MGAT4C: variants seen among roughly 807,000 people sequenced by gnomAD.
MGAT4C encodes the protein alpha-1,3-mannosyl-glycoprotein 4-beta-N-acetylglucosaminyltransferase C.
A neutral mutation model predicts 40.1 loss-of-function variants in MGAT4C; 19 were observed. That is an observed-to-expected ratio of 0.47 (90% confidence interval 0.33 to 0.70). MGAT4C has a LOEUF of 0.70. MGAT4C is among the 30% of genes least tolerant of loss of function. The pLI is 0.02. For missense variants in MGAT4C, 491 were observed against 563.2 expected, an observed-to-expected ratio of 0.87 and a Z score of 1.30; for synonymous variants, 181 against 187.1, an observed-to-expected ratio of 0.97 and a Z score of 0.27.
intron 1 of MGAT4C, among the ~76,000 whole-genome samples, chr12:86,134,420 G>A (rs760612939): frequency 2.6e-5 from 4 of 151,948 alleles, no homozygotes; most frequent in Non-Finnish European, 4.4e-5. Flanking sequence ...AGGTTTGTTT[G>A]GAAAAAGAAA....
intron 2 of MGAT4C, among the ~76,000 whole-genome samples, chr12:86,549,907 C>A (rs1041934404): frequency 6.6e-6 from 1 of 152,096 alleles, no homozygotes; most frequent in African/African-American, 2.4e-5. Flanking sequence ...GAAAGAGAAG[C>A]AGACTGATAG....
chr12:86,144,537 T>C (rs1023883310), intron 1 of MGAT4C, among the ~76,000 whole-genome samples: 2 of 152,182 alleles, frequency 1.3e-5, no homozygotes, highest in Non-Finnish European at 2.9e-5. Context: ...GTCATTCTTT[T>C]AATATAGTGC....
intron 1 of MGAT4C, among the ~76,000 whole-genome samples, chr12:86,728,146 G>A (rs977951620): frequency 2.0e-5 from 3 of 152,130 alleles, no homozygotes; most frequent in African/African-American, 7.2e-5. Flanking sequence ...CAATAAATGA[G>A]AAAAGTTTTT....
chr12:86,735,789 A>C (rs1231289434), intron 1 of MGAT4C, among the ~76,000 whole-genome samples: 2 of 151,734 alleles, frequency 1.3e-5, no homozygotes, highest in Non-Finnish European at 2.9e-5. Flanking sequence ...CACCACCTAC[A>C]TGTTTTTCTC....
At chr12:86,394,274 A>G (rs1189015608) in intron 3 of MGAT4C, among the ~76,000 whole-genome samples, 1 of 151,932 alleles carries the variant, frequency 6.6e-6, no homozygotes. Flanking sequence ...TTTTCAAGAC[A>G]TACTAATGGA....
chr12:86,507,523 C>A (rs1958491611), intron 2 of MGAT4C, among the ~76,000 whole-genome samples: 1 of 152,104 alleles, frequency 6.6e-6, no homozygotes, highest in Non-Finnish European at 1.5e-5. Context: ...TTGTCATTAA[C>A]CCTGTGAAGA....
At position 85,955,990 on chromosome 12, in the gene MGAT4C, T is replaced by A. The variant is rs1244129838; in HGVS notation, c.*23299A>T. ...AGAATATTGGTATTTTTGATGAAAT[T>A]AAGTCCATGAATACATATAGTAAAA... On this transcript the variant is annotated 3_prime_UTR_variant, in exon 5 of 5. Transcript: ENST00000611864. 6.6e-6 allele frequency: 1 copy of A among 152,232 alleles called. No homozygotes were observed. Among genetic ancestry groups the A allele is most frequent in the East Asian group, 1.9e-4 (1 of 5,202 alleles). The allele number at this position is 152,232 out of a possible 1,614,324, so 9.4% of individuals were successfully genotyped here.
intron 2 of MGAT4C, among the ~76,000 whole-genome samples, chr12:86,020,258 C>T (rs538416435): frequency 1.3e-5 from 2 of 152,246 alleles, no homozygotes; most frequent in East Asian, 3.9e-4. Context: ...GAGGGCATCC[C>T]TGTCTTGTGC....
rs534645548 is a variant in MGAT4C, at chr12:86,082,849, T to C, written c.-56-33126A>G. Among the ~76,000 whole-genome samples the C allele has an allele frequency of 2.5e-4, 38 of 152,256 alleles. 1 individual carries two copies. In the South Asian group the frequency reaches 4.6e-3, roughly 18 times the overall value. Reference sequence around the variant, plus strand: ...GTTTTATTGATTTATACTTTTATTTTTTTTTGCATTTTACTCTTTGTCAAG... The same window carrying C: ...GTTTTATTGATTTATACTTTTATTTCTTTTTGCATTTTACTCTTTGTCAAG... On this transcript the variant is annotated intron_variant, in intron 1 of 4. Coordinates refer to ENST00000611864, the MANE Select transcript of MGAT4C (RefSeq NM_001351288.2).
intron 1 of MGAT4C, among the ~76,000 whole-genome samples, chr12:86,216,425 C>T (rs1950674001): frequency 6.6e-6 from 1 of 152,132 alleles, no homozygotes; most frequent in East Asian, 1.9e-4. Context: ...ACGATGTAGC[C>T]ATCTGGGCAG....
At chr12:86,185,579 C>G in intron 1 of MGAT4C, among the ~76,000 whole-genome samples, 1 of 152,112 alleles carries the variant, frequency 6.6e-6, no homozygotes, top group African/African-American at 2.4e-5. Flanking sequence ...TGATCTAATT[C>G]TGCCCCATTC....
At chr12:86,677,690 T>A (rs1471378843) in intron 2 of MGAT4C, among the ~76,000 whole-genome samples, 1 of 152,124 alleles carries the variant, frequency 6.6e-6, no homozygotes, top group East Asian at 1.9e-4. Flanking sequence ...TCTATAAATA[T>A]ACCATGGTAA....
intron 1 of MGAT4C, among the ~76,000 whole-genome samples, chr12:86,108,176 CA>C (rs1170308847): frequency 6.6e-6 from 1 of 152,008 alleles, no homozygotes; most frequent in Non-Finnish European, 1.5e-5. Context: ...GAATTCTCAG[CA>C]ATAATGAGAT....
intron 2 of MGAT4C, among the ~76,000 whole-genome samples, chr12:86,533,750 C>T (rs1221108015): frequency 6.6e-6 from 1 of 151,576 alleles, no homozygotes; most frequent in African/African-American, 2.4e-5. Flanking sequence ...GATGGACCCC[C>T]CTTTAGGCCA....
rs544161210 is a variant in MGAT4C, at chr12:86,197,961, A to T, written c.-57+58278T>A. Among the ~76,000 whole-genome samples, 8 of 152,276 alleles carry T rather than the reference A, an allele frequency of 5.3e-5. No homozygotes were observed. In the East Asian group the frequency reaches 5.8e-4, roughly 11 times the overall value. On this transcript the variant is annotated intron_variant, in intron 1 of 4. Transcript: ENST00000611864. Reference sequence around the variant, plus strand: ...ACTAATTTATACTTGACCAGAAATTAAAAAAATATGTCAATGAAAATATTG... The same window carrying T: ...ACTAATTTATACTTGACCAGAAATTTAAAAAATATGTCAATGAAAATATTG...
chr12:86,700,602 T>A (rs1950344696), intron 2 of MGAT4C, among the ~76,000 whole-genome samples: 1 of 152,114 alleles, frequency 6.6e-6, no homozygotes, highest in Non-Finnish European at 1.5e-5. Flanking sequence ...TGTATTATAG[T>A]GGGTGCATAT....
At chr12:86,494,072 C>T (rs1483343949) in intron 2 of MGAT4C, among the ~76,000 whole-genome samples, 1 of 151,958 alleles carries the variant, frequency 6.6e-6, no homozygotes, top group Non-Finnish European at 1.5e-5. Context: ...CCATAACAAT[C>T]AAGATGTAAA....
intron 4 of MGAT4C, among the ~76,000 whole-genome samples, chr12:86,283,206 T>A (rs1171873407): frequency 2.0e-5 from 3 of 151,836 alleles, no homozygotes; most frequent in Admixed American, 6.6e-5. Flanking sequence ...AAAAAAAAAA[T>A]TCTTCCAAAT....
chr12:86,018,366 G>A (rs779526584), intron 2 of MGAT4C, among the ~76,000 whole-genome samples: 1 of 152,216 alleles, frequency 6.6e-6, no homozygotes, highest in South Asian at 2.1e-4. Flanking sequence ...TTAACCTCAC[G>A]TCAGGGAAAA....
Sources: gnomAD v4.1 joint callset for allele counts (sites outside exome capture counted in the v4.1 genomes callset) on GRCh38, gnomAD v4.1.1 for gene constraint, MANE v1.5 for transcripts, NCBI Gene and HGNC (gene_info 2026-07-23, HGNC 2026-07-21) for gene names.